The following ALPK2 variants were observed in gnomAD, a reference collection of about 807,000 sequenced individuals.
ALPK2 encodes alpha-protein kinase 2.
A neutral mutation model predicts 163.1 loss-of-function variants in ALPK2; 127 were observed. That is an observed-to-expected ratio of 0.78 (90% CI 0.67 to 0.90). The LOEUF (loss-of-function observed/expected upper bound fraction) is 0.90. Among genes scored for constraint, ALPK2 ranks in the 40% least tolerant of loss-of-function variants. ALPK2 has a pLI of 0.00. For synonymous variants in ALPK2, 953 were observed against 959.1 expected, an observed-to-expected ratio of 0.99 and a Z score of 0.12; for missense variants, 2,360 against 2,589.6, an observed-to-expected ratio of 0.91 and a Z score of 1.92.
intron 4 of ALPK2, among the ~76,000 whole-genome samples, chr18:58,543,687 A>G (rs907001048): frequency 3.3e-5 from 5 of 152,310 alleles, no homozygotes; most frequent in Middle Eastern, 3.4e-3. Flanking sequence ...AAGAAGAATA[A>G]TGGAATTTCG....
chr18:58,517,146 T>C lies in ALPK2; in HGVS notation c.5702A>G (p.Lys1901Arg), dbSNP rs1010319556. ...GTAGCTGTCATGGAGGAAGTCTTCT[T>C]TGAAGATGAGTTGGCTGAATTCAAT... ...EEIEFSQLIF[K>R]EDFLHDSYFG... Residue 1901 changes from lysine (K) to arginine (R), a missense_variant, in exon 9 of 13, where the codon AAA (lysine) becomes AGA (arginine). Lys to Arg is a conservative substitution (Grantham distance 26). Coordinates refer to ENST00000361673, the MANE Select transcript of ALPK2 (RefSeq NM_052947.4). 9 of 1,614,002 alleles carry C rather than the reference T, an allele frequency of 5.6e-6. No individual in the cohort carries two copies. The highest frequency in any genetic ancestry group is 5.3e-5 in the African/African-American group (4 of 74,912).
At chr18:58,544,647 C>T (rs1182279676) in intron 4 of ALPK2, 1 of 152,262 alleles carries the variant, frequency 6.6e-6, no homozygotes, top group Non-Finnish European at 1.5e-5. Flanking sequence ...ACCACTGTAT[C>T]ATCCTCTTCC....
intron 8 of ALPK2, among the ~76,000 whole-genome samples, chr18:58,521,447 C>T (rs1429468385): frequency 2.6e-5 from 4 of 151,946 alleles, no homozygotes; most frequent in Non-Finnish European, 5.9e-5. Context: ...ATTTTGCCTT[C>T]TGGGGAGATG....
At chr18:58,621,493 G>A (rs1252764260) in intron 1 of ALPK2, among the ~76,000 whole-genome samples, 1 of 152,074 alleles carries the variant, frequency 6.6e-6, no homozygotes, top group African/African-American at 2.4e-5. Flanking sequence ...GGATGGTCTC[G>A]ATCTCCTGAC....
intron 4 of ALPK2, among the ~76,000 whole-genome samples, chr18:58,553,850 G>GTT (rs71173061): frequency 4.1e-4 from 30 of 74,006 alleles, no homozygotes; most frequent in Non-Finnish European, 5.3e-4. Flanking sequence ...TTTTTTTTTG[G>GTT]TTTTTTTTTT....
At chr18:58,531,872 G>A (rs1439817617) in intron 5 of ALPK2, among the ~76,000 whole-genome samples, 2 of 137,082 alleles carry the variant, frequency 1.5e-5, no homozygotes, top group African/African-American at 2.7e-5. Context: ...AGGAGGTGGA[G>A]GTTGTAGTGA....
At chr18:58,583,050 A>G (rs941025261) in intron 3 of ALPK2, among the ~76,000 whole-genome samples, 1 of 152,186 alleles carries the variant, frequency 6.6e-6, no homozygotes, top group Non-Finnish European at 1.5e-5. Context: ...TCGGGAAAAG[A>G]CCTGGAAAGG....
chr18:58,595,390 AT>A (rs1399385549), intron 3 of ALPK2, among the ~76,000 whole-genome samples: 1 of 152,168 alleles, frequency 6.6e-6, no homozygotes, highest in East Asian at 1.9e-4. Flanking sequence ...ATGAATCCTT[AT>A]TTTTGAATGA....
At chr18:58,612,775 CT>C (rs2052139852) in intron 1 of ALPK2, among the ~76,000 whole-genome samples, 1 of 152,246 alleles carries the variant, frequency 6.6e-6, no homozygotes, top group South Asian at 2.1e-4. Flanking sequence ...GCTGGCTTCA[CT>C]TGGCCAGACC....
At position 58,529,024 on chromosome 18, in the gene ALPK2, T is replaced by C. The variant is rs755393999; in HGVS notation, c.5501+67A>G. On this transcript the variant is annotated intron_variant, in intron 6 of 12. Transcript: ENST00000361673. ...GTCCTATAATTTATTCTTTTTTCTT[T>C]TTTACAACCATGTTGTGAAATAAAC... 13 of 1,596,340 alleles carry C rather than the reference T, an allele frequency of 8.1e-6. No homozygotes were observed. The East Asian group carries it at 2.5e-4, about 30-fold the overall frequency.
intron 12 of ALPK2, among the ~76,000 whole-genome samples, chr18:58,495,590 T>A (rs1241935274): frequency 6.6e-6 from 1 of 152,154 alleles, no homozygotes; most frequent in African/African-American, 2.4e-5. Context: ...CTGGAAGCTG[T>A]TGACTTGAAT....
At chr18:58,580,649 C>T (rs2051953961) in intron 3 of ALPK2, 101 bp from the exon 4 acceptor site, 2 of 1,115,910 alleles carry the variant, frequency 1.8e-6, no homozygotes, top group East Asian at 4.7e-5. Context: ...CATTTTACTG[C>T]ATGTTCAAGG....
intron 4 of ALPK2, among the ~76,000 whole-genome samples, chr18:58,554,822 C>T (rs1301627196): frequency 6.6e-6 from 1 of 152,146 alleles, no homozygotes; most frequent in East Asian, 1.9e-4. Context: ...CCATAATCCC[C>T]ATGTATTGTG....
At chr18:58,586,971 A>G (rs2051990078) in intron 3 of ALPK2, among the ~76,000 whole-genome samples, 1 of 152,152 alleles carries the variant, frequency 6.6e-6, no homozygotes, top group Non-Finnish European at 1.5e-5. Flanking sequence ...AAGCATGTCC[A>G]GTGCATGTGC....
intron 10 of ALPK2, among the ~76,000 whole-genome samples, chr18:58,513,149 ATG>A (rs2051503023): frequency 8.5e-6 from 1 of 117,220 alleles, no homozygotes; most frequent in Non-Finnish European, 1.8e-5. Flanking sequence ...TGTGGTATGT[ATG>A]TGTGGTGTGG....
chr18:58,538,463 G>A (rs1203910294), intron 4 of ALPK2: 1 of 461,394 alleles, frequency 2.2e-6, no homozygotes, highest in East Asian at 3.4e-5. Context: ...TAAGCAAAAA[G>A]CCTCCTGACA....
In ALPK2 at chr18:58,590,503, C is replaced by A. The variant is rs537276038; in HGVS notation, c.228-9955G>T. Among the ~76,000 whole-genome samples, 400 of 152,300 alleles carry A rather than the reference C, an allele frequency of 2.6e-3. 7 individuals carry two copies. The South Asian group carries it at 0.028, about 11-fold the overall frequency. ...GAGGGCTCCACTCAATAAATAATCA[C>A]ATGATGACATCCGTGTCCTTTCCTT... On this transcript the variant is annotated intron_variant, in intron 3 of 12. Transcript: ENST00000361673.
intron 4 of ALPK2, among the ~76,000 whole-genome samples, chr18:58,542,619 T>A (rs769872600): frequency 8.6e-5 from 13 of 151,980 alleles, no homozygotes; most frequent in Non-Finnish European, 1.6e-4. Context: ...GTACTCTAGG[T>A]AAGGGAAAGT....
At chr18:58,606,737 A>AC (rs1453163597) in intron 3 of ALPK2, among the ~76,000 whole-genome samples, 1 of 151,838 alleles carries the variant, frequency 6.6e-6, no homozygotes, top group African/African-American at 2.4e-5. Flanking sequence ...AAAAGCACAG[A>AC]CCCCCTACCC....
Sources: allele counts gnomAD v4.1 joint callset (sites outside exome capture counted in the v4.1 genomes callset), GRCh38; gene constraint gnomAD v4.1.1; transcripts MANE v1.5; gene names NCBI Gene and HGNC (gene_info 2026-07-23, HGNC 2026-07-21).